The following CNBD1 variants were observed in gnomAD, a reference collection of about 807,000 sequenced individuals.
The protein encoded by CNBD1 is cyclic nucleotide-binding domain-containing protein 1.
A neutral mutation model predicts 54.4 loss-of-function variants in CNBD1; 71 were observed. That is an observed-to-expected ratio of 1.30 (90% confidence interval 1.08 to 1.59). The LOEUF is 1.59. Among genes scored for constraint, CNBD1 ranks in the 40% most tolerant of loss-of-function variants. CNBD1 has a pLI of 0.00. For synonymous variants in CNBD1, 182 were observed against 170.7 expected (o/e 1.07, Z -0.51); for missense variants, 659 against 518.0 (o/e 1.27, Z -2.64).
intron 6 of CNBD1, among the ~76,000 whole-genome samples, chr8:87,256,660 G>T (rs564765569): frequency 9.6e-6 from 1 of 103,982 alleles, no homozygotes; most frequent in South Asian, 3.1e-4. Flanking sequence ...TCAGTGATTT[G>T]GGGGAAATTT....
At position 87,015,529 on chromosome 8, in the gene CNBD1, A is replaced by G. The variant is rs145936144; in HGVS notation, c.431+75775A>G. On this transcript the variant is annotated intron_variant, in intron 4 of 10. Transcript: ENST00000518476. ...ATGCAAAAAGTTTTTAAGTTTTTAAATTCTATAATCTGTTTAACATTTTTC... is the reference window on the plus strand; with the variant it reads ...ATGCAAAAAGTTTTTAAGTTTTTAAGTTCTATAATCTGTTTAACATTTTTC... Among the ~76,000 whole-genome samples, 11 of 152,252 alleles carry G rather than the reference A, an allele frequency of 7.2e-5. No individual in the cohort carries two copies. In the East Asian group the frequency reaches 1.9e-3, roughly 27 times the overall value.
chr8:87,407,695 G>A (rs1414090477), intron 2 of CNBD1, among the ~76,000 whole-genome samples: 1 of 151,836 alleles, frequency 6.6e-6, no homozygotes, highest in African/African-American at 2.4e-5. Flanking sequence ...TAGTAATTTG[G>A]ATAAGTAGGT....
chr8:87,228,749 T>C (rs1269397311), intron 5 of CNBD1, among the ~76,000 whole-genome samples: 2 of 152,012 alleles, frequency 1.3e-5, no homozygotes, highest in Admixed American at 1.3e-4. Flanking sequence ...CAGGCCTCCT[T>C]GAGCTGTGGT....
intron 6 of CNBD1, among the ~76,000 whole-genome samples, chr8:87,280,263 GGA>G (rs1808572418): frequency 6.6e-6 from 1 of 151,486 alleles, no homozygotes; most frequent in Non-Finnish European, 1.5e-5. Flanking sequence ...AAAGGCCATT[GGA>G]GTCTAAATCT....
At chr8:87,331,977 G>A (rs561942622) in intron 8 of CNBD1, among the ~76,000 whole-genome samples, 170 of 151,788 alleles carry the variant, frequency 1.1e-3, no homozygotes, top group Admixed American at 3.9e-3. Context: ...TGTCAAATGG[G>A]TAGATTGCAA....
At chr8:87,287,219 T>C (rs1241233087) in intron 8 of CNBD1, among the ~76,000 whole-genome samples, 3 of 152,192 alleles carry the variant, frequency 2.0e-5, no homozygotes, top group African/African-American at 7.2e-5. Context: ...TCCTGGATTA[T>C]GTGTACACAA....
chr8:87,045,724 C>CATAAA (rs1810169664), intron 4 of CNBD1, among the ~76,000 whole-genome samples: 1 of 51,084 alleles, frequency 2.0e-5, no homozygotes, highest in Non-Finnish European at 3.8e-5. Context: ...GACTCCGTCT[C>CATAAA]AAAAAAAAAA....
chr8:87,211,131 G>A (rs778938972), intron 5 of CNBD1, among the ~76,000 whole-genome samples: 6 of 152,200 alleles, frequency 3.9e-5, no homozygotes, highest in Non-Finnish European at 8.8e-5. Context: ...TAAGACTTAA[G>A]CCTTGCTGGG....
intron 4 of CNBD1, chr8:87,044,566 A>G (rs1810141843): frequency 6.6e-6 from 1 of 152,202 alleles, no homozygotes; most frequent in African/African-American, 2.4e-5. Context: ...AACTTTTATA[A>G]GAAACTCCTC....
intron 4 of CNBD1, among the ~76,000 whole-genome samples, chr8:87,137,551 G>C (rs553591037): frequency 2.0e-5 from 3 of 152,174 alleles, no homozygotes; most frequent in African/African-American, 4.8e-5. Context: ...TTATAAACAC[G>C]TTATGTTAGT....
intron 4 of CNBD1, among the ~76,000 whole-genome samples, chr8:87,007,530 A>AT (rs906091582): frequency 6.6e-6 from 1 of 151,730 alleles, no homozygotes; most frequent in Non-Finnish European, 1.5e-5. Context: ...TGGTAATTCT[A>AT]TTTTTTTTCC....
chr8:87,370,915 G>C (rs1017838546), intron 10 of CNBD1, among the ~76,000 whole-genome samples: 10 of 151,386 alleles, frequency 6.6e-5, no homozygotes, highest in African/African-American at 2.0e-4. Context: ...TAAGGTATAA[G>C]GAAGGGATCC....
At chr8:86,936,091 A>G (rs1160201815) in intron 3 of CNBD1, among the ~76,000 whole-genome samples, 1 of 152,114 alleles carries the variant, frequency 6.6e-6, no homozygotes, top group Non-Finnish European at 1.5e-5. Context: ...GTGAGCTGAG[A>G]TCATGCCATT....
intron 10 of CNBD1, among the ~76,000 whole-genome samples, chr8:87,373,307 C>A (rs1231805205): frequency 6.6e-6 from 1 of 151,694 alleles, no homozygotes; most frequent in Non-Finnish European, 1.5e-5. Context: ...ATGGTGAAGC[C>A]ACCAATCACT....
intron 3 of CNBD1, among the ~76,000 whole-genome samples, chr8:86,935,088 T>C (rs971401545): frequency 6.6e-6 from 1 of 152,056 alleles, no homozygotes; most frequent in African/African-American, 2.4e-5. Flanking sequence ...CAGGCTGGAG[T>C]GCAATGGCGT....
At chr8:87,125,286 A>C (rs1228244903) in intron 4 of CNBD1, among the ~76,000 whole-genome samples, 1 of 151,804 alleles carries the variant, frequency 6.6e-6, no homozygotes. Context: ...TAAAAAAATC[A>C]ATATTAAATT....
At chr8:87,275,626 G>A (rs1808463042) in intron 6 of CNBD1, among the ~76,000 whole-genome samples, 1 of 151,488 alleles carries the variant, frequency 6.6e-6, no homozygotes, top group East Asian at 1.9e-4. Flanking sequence ...ATACTGAATG[G>A]GCAAAAACTG....
At chr8:87,093,268 G>C (rs560619051) in intron 4 of CNBD1, among the ~76,000 whole-genome samples, 1 of 152,120 alleles carries the variant, frequency 6.6e-6, no homozygotes, top group African/African-American at 2.4e-5. Context: ...GTGCGGCAAC[G>C]GACAGATGAG....
chr8:86,916,041 G>A (rs1190789636), intron 3 of CNBD1, among the ~76,000 whole-genome samples: 1 of 152,026 alleles, frequency 6.6e-6, no homozygotes, highest in African/African-American at 2.4e-5. Context: ...TATCCCATGT[G>A]CCATCATGGT....
Sources: gnomAD v4.1 joint callset for allele counts (sites outside exome capture counted in the v4.1 genomes callset) on GRCh38, gnomAD v4.1.1 for gene constraint, MANE v1.5 for transcripts, NCBI Gene and HGNC (gene_info 2026-07-23, HGNC 2026-07-21) for gene names.